CACNB2: variants seen among roughly 807,000 people sequenced by gnomAD.
CACNB2 encodes voltage-dependent L-type calcium channel subunit beta-2.
Under a neutral mutation model 73.3 loss-of-function variants are expected in CACNB2, and 42 were observed. The ratio of observed to expected loss-of-function variants is 0.57; its 90% CI spans 0.45 to 0.74. The LOEUF is 0.74. Ranked by LOEUF, CACNB2 falls within the 30% of genes least tolerant of loss-of-function variation. The pLI, the probability that CACNB2 is intolerant of heterozygous loss-of-function variation, is 0.00. For missense variants in CACNB2, 940 were observed against 853.0 expected (o/e 1.10, Z -1.27); for synonymous variants, 348 against 310.3 (o/e 1.12, Z -1.28).
chr10:18,174,126 A>T (rs1380863276), intron 2 of CACNB2, among the ~76,000 whole-genome samples: 2 of 152,140 alleles, frequency 1.3e-5, no homozygotes, highest in Non-Finnish European at 2.9e-5. Flanking sequence ...ATTGTTTGAA[A>T]GAAGTGAAAA....
intron 2 of CACNB2, among the ~76,000 whole-genome samples, chr10:18,220,597 C>T (rs557428916): frequency 1.3e-5 from 2 of 151,922 alleles, no homozygotes; most frequent in African/African-American, 2.4e-5. Flanking sequence ...AGAGCAGAGG[C>T]CCCCAAACCC....
chr10:18,167,081 C>G (rs2032908770), intron 2 of CACNB2, among the ~76,000 whole-genome samples: 1 of 152,148 alleles, frequency 6.6e-6, no homozygotes, highest in Non-Finnish European at 1.5e-5. Context: ...CCCTGTTCTT[C>G]AAGGTGAAGG....
chr10:18,519,089 C>A (rs547541074), intron 9 of CACNB2, 121 bp downstream of exon 9: 4 of 820,508 alleles, frequency 4.9e-6, no homozygotes, highest in South Asian at 1.4e-5. Context: ...TGACAGGAAA[C>A]AAGTTTCACT....
chr10:18,239,164 ATTTTT>A (rs903522962), intron 2 of CACNB2, among the ~76,000 whole-genome samples: 2 of 152,034 alleles, frequency 1.3e-5, no homozygotes, highest in Non-Finnish European at 2.9e-5. Flanking sequence ...TTTATTTTTA[ATTTTT>A]TTATTTTTAT....
chr10:18,320,079 C>T (rs1319156876), intron 2 of CACNB2, among the ~76,000 whole-genome samples: 3 of 151,636 alleles, frequency 2.0e-5, no homozygotes, highest in South Asian at 2.1e-4. Context: ...AATCACTCCC[C>T]GATCCACTTT....
At chr10:18,245,835 T>A (rs753562660) in intron 2 of CACNB2, among the ~76,000 whole-genome samples, 2 of 152,210 alleles carry the variant, frequency 1.3e-5, no homozygotes, top group Admixed American at 6.5e-5. Flanking sequence ...TGTTCCTATC[T>A]GTACAAGACC....
intron 3 of CACNB2, among the ~76,000 whole-genome samples, chr10:18,449,300 G>A (rs987220750): frequency 1.3e-5 from 2 of 152,180 alleles, no homozygotes; most frequent in African/African-American, 2.4e-5. Context: ...CAGGAGAATG[G>A]TGTGAACCTG....
At chr10:18,528,355 G>C (rs2052682469) in intron 10 of CACNB2, among the ~76,000 whole-genome samples, 1 of 152,178 alleles carries the variant, frequency 6.6e-6, no homozygotes, top group South Asian at 2.1e-4. Flanking sequence ...ATCACACTGA[G>C]ACCCTTCAGC....
At chr10:18,278,274 G>A (rs1351497249) in intron 2 of CACNB2, among the ~76,000 whole-genome samples, 3 of 152,150 alleles carry the variant, frequency 2.0e-5, no homozygotes, top group Admixed American at 6.5e-5. Context: ...GAGTCCAGGA[G>A]TTTGAGACCA....
At chr10:18,296,286 C>T (rs1330611297) in intron 2 of CACNB2, among the ~76,000 whole-genome samples, 1 of 152,082 alleles carries the variant, frequency 6.6e-6, no homozygotes, top group Admixed American at 6.5e-5. Context: ...TGTTCCCTTT[C>T]TGGATTACAT....
At chr10:18,402,676 A>G (rs1012114717) in intron 3 of CACNB2, among the ~76,000 whole-genome samples, 2 of 152,164 alleles carry the variant, frequency 1.3e-5, no homozygotes, top group Admixed American at 6.5e-5. Context: ...ATCTCAGGCC[A>G]TGTCTCATTT....
intron 2 of CACNB2, among the ~76,000 whole-genome samples, chr10:18,290,957 T>G (rs893421075): frequency 2.6e-5 from 4 of 152,372 alleles, no homozygotes; most frequent in Non-Finnish European, 4.4e-5. Flanking sequence ...CTCTTCCGTC[T>G]GGGGCTTCTA....
chr10:18,255,471 T>C (rs1371622265), intron 2 of CACNB2, among the ~76,000 whole-genome samples: 1 of 152,186 alleles, frequency 6.6e-6, no homozygotes, highest in Non-Finnish European at 1.5e-5. Context: ...TAGCTTGTAA[T>C]TCTATGCTTA....
intron 3 of CACNB2, among the ~76,000 whole-genome samples, chr10:18,422,061 C>T (rs1240373180): frequency 6.6e-6 from 1 of 152,190 alleles, no homozygotes; most frequent in Non-Finnish European, 1.5e-5. Flanking sequence ...TTTGATGTTC[C>T]GTTTTAAGAT....
At chr10:18,250,232 T>C (rs1588844451) in intron 2 of CACNB2, among the ~76,000 whole-genome samples, 2 of 152,366 alleles carry the variant, frequency 1.3e-5, no homozygotes, top group African/African-American at 4.8e-5. Flanking sequence ...ACTTCTGAGA[T>C]ATAAATCAAG....
Position 18,453,610 on chromosome 10 carries a change from G to A in CACNB2, c.334-44745G>A, listed in dbSNP as rs73605712. Among the ~76,000 whole-genome samples the A allele has an allele frequency of 8.0e-3, 1,215 of 152,234 alleles. 16 individuals are homozygous for A. The highest frequency in any genetic ancestry group is 0.027 in the African/African-American group (1,140 of 41,534). ...AATGAAAGAGTTCATAGATTGTCTC[G>A]TACACATACTTACCAATTTCTTGCC... On this transcript the variant is annotated intron_variant, in intron 3 of 13. Coordinates refer to ENST00000324631, the MANE Select transcript of CACNB2 (RefSeq NM_201596.3).
At chr10:18,516,033 G>T (rs1589629757) in intron 7 of CACNB2, among the ~76,000 whole-genome samples, 1 of 152,058 alleles carries the variant, frequency 6.6e-6, no homozygotes, top group South Asian at 2.1e-4. Flanking sequence ...GGCCAACATG[G>T]TGAAACCTCA....
intron 3 of CACNB2, among the ~76,000 whole-genome samples, chr10:18,405,412 T>A (rs936776701): frequency 3.3e-5 from 5 of 152,236 alleles, no homozygotes; most frequent in African/African-American, 1.2e-4. Flanking sequence ...TGGGTTGTTT[T>A]CACCATTTAG....
At chr10:18,424,055 G>A (rs1339402613) in intron 3 of CACNB2, among the ~76,000 whole-genome samples, 1 of 152,028 alleles carries the variant, frequency 6.6e-6, no homozygotes. Flanking sequence ...AAAAACTCAT[G>A]TACCCACCTC....
Sources: allele counts gnomAD v4.1 joint callset (sites outside exome capture counted in the v4.1 genomes callset), GRCh38; gene constraint gnomAD v4.1.1; transcripts MANE v1.5; gene names NCBI Gene and HGNC (gene_info 2026-07-23, HGNC 2026-07-21).